FAM107B: variants seen among roughly 807,000 people sequenced by gnomAD.
The protein encoded by FAM107B is family with sequence similarity 107 member B, also known as protein FAM107B.
FAM107B carries 21 observed loss-of-function variants against 31.5 expected under a neutral mutation model. The observed-to-expected ratio is 0.67, with a 90% CI of 0.47 to 0.96. The LOEUF (loss-of-function observed/expected upper bound fraction) is 0.96. Among genes scored for constraint, FAM107B ranks in the 40% least tolerant of loss-of-function variants. FAM107B has a pLI of 0.00. For missense variants in FAM107B, 452 were observed against 377.1 expected, an observed-to-expected ratio of 1.20 and a Z score of -1.64; for synonymous variants, 157 against 141.5, an observed-to-expected ratio of 1.11 and a Z score of -0.78.
intron 1 of FAM107B, among the ~76,000 whole-genome samples, chr10:14,692,208 G>T (rs954682430): frequency 2.6e-5 from 4 of 152,064 alleles, no homozygotes; most frequent in Non-Finnish European, 5.9e-5. Flanking sequence ...ATTTGCTCTG[G>T]GTGGAAAGAA....
chr10:14,641,980 G>A (rs1355536078), intron 2 of FAM107B, among the ~76,000 whole-genome samples: 2 of 152,120 alleles, frequency 1.3e-5, no homozygotes, highest in African/African-American at 4.8e-5. Flanking sequence ...GAAATTTGAG[G>A]TACAATTTAT....
chr10:14,615,853 GA>G (rs1181179292), intron 2 of FAM107B, among the ~76,000 whole-genome samples: 1 of 152,148 alleles, frequency 6.6e-6, no homozygotes, highest in Non-Finnish European at 1.5e-5. Context: ...TGTCAACTTT[GA>G]AGGCAGGCAG....
chr10:14,618,876 T>A (rs1393624932), intron 2 of FAM107B, among the ~76,000 whole-genome samples: 1 of 151,192 alleles, frequency 6.6e-6, no homozygotes, highest in East Asian at 1.9e-4. Flanking sequence ...TAAGATGAGG[T>A]CATATTGGAG....
chr10:14,561,989 T>C (rs10466283), intron 2 of FAM107B, among the ~76,000 whole-genome samples: 145 of 152,338 alleles, frequency 9.5e-4, no homozygotes, highest in African/African-American at 3.4e-3. Flanking sequence ...TTGCACCATG[T>C]TGGCCAGGCT....
At chr10:14,655,820 C>A (rs1440112848) in intron 2 of FAM107B, among the ~76,000 whole-genome samples, 1 of 152,198 alleles carries the variant, frequency 6.6e-6, no homozygotes, top group East Asian at 1.9e-4. Context: ...TCCACAGCTA[C>A]CTACCCTAGG....
intron 1 of FAM107B, among the ~76,000 whole-genome samples, chr10:14,710,948 T>TCTA (rs1855632556): frequency 1.3e-5 from 2 of 152,160 alleles, no homozygotes; most frequent in Admixed American, 1.3e-4. Flanking sequence ...AGTATTGCTC[T>TCTA]GTCACCCAGA....
chr10:14,664,319 G>T (rs1347105291), intron 2 of FAM107B, among the ~76,000 whole-genome samples: 1 of 152,174 alleles, frequency 6.6e-6, no homozygotes, highest in Admixed American at 6.5e-5. Context: ...TCTAATGGCT[G>T]TATTTCTCAC....
chr10:14,694,114 T>G (rs1471987708), intron 1 of FAM107B, among the ~76,000 whole-genome samples: 1 of 152,260 alleles, frequency 6.6e-6, no homozygotes, highest in Non-Finnish European at 1.5e-5. Flanking sequence ...TATCCATTCA[T>G]GCACTGATGG....
At chr10:14,677,058 C>T (rs1223357822) in intron 1 of FAM107B, among the ~76,000 whole-genome samples, 1 of 152,160 alleles carries the variant, frequency 6.6e-6, no homozygotes, top group Non-Finnish European at 1.5e-5. Flanking sequence ...TTTATTGTAG[C>T]CCAATGCCTC....
chr10:14,636,451 C>G (rs1205242875), intron 2 of FAM107B, among the ~76,000 whole-genome samples: 1 of 152,110 alleles, frequency 6.6e-6, no homozygotes, highest in Non-Finnish European at 1.5e-5. Context: ...TTTAATAACT[C>G]AACGTAATGA....
chr10:14,630,388 C>A (rs146501076), intron 2 of FAM107B, among the ~76,000 whole-genome samples: 12 of 151,742 alleles, frequency 7.9e-5, no homozygotes, highest in African/African-American at 2.7e-4. Flanking sequence ...GTGCCCACTG[C>A]TCCTGAAGAA....
chr10:14,576,112 G>A (rs1329231304), intron 2 of FAM107B, among the ~76,000 whole-genome samples: 3 of 152,202 alleles, frequency 2.0e-5, no homozygotes, highest in Non-Finnish European at 2.9e-5. Flanking sequence ...ATTGTATTAT[G>A]GTTACCGAGT....
At chr10:14,667,539 G>A (rs1854435027) in intron 2 of FAM107B, 95 bp downstream of exon 2, 6 of 1,260,800 alleles carry the variant, frequency 4.8e-6, no homozygotes, top group Admixed American at 4.1e-5. Flanking sequence ...GGAACATACA[G>A]GTTTTCCTTT....
intron 2 of FAM107B, among the ~76,000 whole-genome samples, chr10:14,617,227 GC>G (rs1340230003): frequency 2.0e-5 from 3 of 152,182 alleles, no homozygotes; most frequent in Non-Finnish European, 2.9e-5. Flanking sequence ...CAGGAAACAA[GC>G]CTTTCCTGTT....
chr10:14,537,833 CA>C (rs34298402), intron 2 of FAM107B, among the ~76,000 whole-genome samples: 15,658 of 85,556 alleles, frequency 0.18, 661 homozygotes, highest in Non-Finnish European at 0.2. Context: ...GACTCTGTCT[CA>C]AAAAAAAAAA....
chr10:14,548,608 C>T, intron 2 of FAM107B: 1 of 985,494 alleles, frequency 1.0e-6, no homozygotes, highest in South Asian at 4.7e-5. Context: ...AAGGCAGAGA[C>T]AGCCCCTGAG....
chr10:14,760,420 T>C (rs938160540), intron 1 of FAM107B, among the ~76,000 whole-genome samples: 6 of 152,182 alleles, frequency 3.9e-5, no homozygotes, highest in Non-Finnish European at 7.4e-5. Flanking sequence ...GGAGAAAATA[T>C]AGAATACTAA....
chr10:14,533,157 C>T (rs961875260), intron 2 of FAM107B, among the ~76,000 whole-genome samples: 1 of 152,136 alleles, frequency 6.6e-6, no homozygotes, highest in East Asian at 1.9e-4. Flanking sequence ...TACTCCAGCT[C>T]CCAGGTTTAG....
chr10:14,578,408 A>T (rs943152925), intron 2 of FAM107B, among the ~76,000 whole-genome samples: 17 of 152,226 alleles, frequency 1.1e-4, no homozygotes, highest in Admixed American at 3.9e-4. Context: ...AAAAGTCTAG[A>T]ATAAACAAGT....
Sources: allele counts gnomAD v4.1 joint callset (sites outside exome capture counted in the v4.1 genomes callset), GRCh38; gene constraint gnomAD v4.1.1; transcripts MANE v1.5; gene names NCBI Gene and HGNC (gene_info 2026-07-23, HGNC 2026-07-21).